Variants in EEFSEC observed in about 807,000 individuals in gnomAD.
EEFSEC encodes the protein eukaryotic elongation factor, selenocysteine-tRNA specific, also known as selenocysteine-specific elongation factor.
In EEFSEC, 43 loss-of-function variants were observed where a neutral mutation model predicts 42.1. That is an observed-to-expected ratio of 1.02 (90% CI 0.80 to 1.32). The LOEUF is 1.32. Among genes scored for constraint, EEFSEC ranks in the 40% most tolerant of loss-of-function variants. EEFSEC has a pLI of 0.00. For synonymous variants in EEFSEC, 354 were observed against 339.1 expected (o/e 1.04, Z -0.48); for missense variants, 745 against 803.6 (o/e 0.93, Z 0.88).
At chr3:128,309,280 G>A (rs1299653327) in intron 4 of EEFSEC, among the ~76,000 whole-genome samples, 4 of 152,208 alleles carry the variant, frequency 2.6e-5, no homozygotes, top group Non-Finnish European at 5.9e-5. Context: ...CTGAGCAGGT[G>A]CAAAGAGGGC....
rs376171782 is a variant in EEFSEC, at chr3:128,251,510, G to A, written c.524+4467G>A. The stretch of plus-strand genomic sequence containing the variant: ...AGAAAATAGTGTTTTAGTAGAAATG[G>A]TAACTTAGTAGAAATGGTATTTTGT... On this transcript the variant is annotated intron_variant, in intron 2 of 6. Transcript: ENST00000254730. Among the ~76,000 whole-genome samples, 15 of 152,296 alleles carry A rather than the reference G, an allele frequency of 9.8e-5. No individual in the cohort carries two copies. The South Asian group carries it at 3.1e-3, about 32-fold the overall frequency.
intron 6 of EEFSEC, among the ~76,000 whole-genome samples, chr3:128,379,795 C>A (rs1326435608): frequency 6.6e-6 from 1 of 152,254 alleles, no homozygotes; most frequent in Non-Finnish European, 1.5e-5. Flanking sequence ...GAGCTTTCTC[C>A]AGGAGCCCCT....
At chr3:128,176,947 G>A (rs2065355305) in intron 1 of EEFSEC, among the ~76,000 whole-genome samples, 2 of 151,596 alleles carry the variant, frequency 1.3e-5, no homozygotes, top group South Asian at 4.2e-4. Flanking sequence ...CTGAGATGCT[G>A]TAATTTTTTT....
At chr3:128,279,823 G>A (rs59425899) in intron 4 of EEFSEC, among the ~76,000 whole-genome samples, 4,432 of 152,296 alleles carry the variant, frequency 0.029, 200 homozygotes, top group African/African-American at 0.097. Flanking sequence ...TCCTATGCCA[G>A]CCTTCTCTGC....
intron 4 of EEFSEC, among the ~76,000 whole-genome samples, chr3:128,280,316 G>T (rs867508168): frequency 6.6e-6 from 1 of 152,230 alleles, no homozygotes; most frequent in African/African-American, 2.4e-5. Context: ...CTTTTACAAC[G>T]AGCTGGTATT....
intron 4 of EEFSEC, among the ~76,000 whole-genome samples, chr3:128,300,826 A>G (rs1455396437): frequency 2.0e-5 from 3 of 152,232 alleles, no homozygotes; most frequent in Non-Finnish European, 4.4e-5. Context: ...TTACTCTTCC[A>G]GATAATTCCT....
chr3:128,236,995 A>T (rs2066019324), intron 1 of EEFSEC, among the ~76,000 whole-genome samples: 1 of 152,192 alleles, frequency 6.6e-6, no homozygotes, highest in Admixed American at 6.5e-5. Flanking sequence ...CTGGCCTCTC[A>T]AGTGTGCCAG....
intron 6 of EEFSEC, among the ~76,000 whole-genome samples, chr3:128,389,752 C>G (rs1413597886): frequency 6.6e-6 from 1 of 152,252 alleles, no homozygotes; most frequent in East Asian, 1.9e-4. Flanking sequence ...TGGCTTAACG[C>G]CGAGAGCCTC....
chr3:128,174,469 T>C (rs1447906223), intron 1 of EEFSEC, among the ~76,000 whole-genome samples: 2 of 152,186 alleles, frequency 1.3e-5, no homozygotes, highest in Non-Finnish European at 2.9e-5. Context: ...TTATTGTGCC[T>C]AATTAATAGT....
chr3:128,230,735 G>T (rs747301292), intron 1 of EEFSEC, among the ~76,000 whole-genome samples: 6 of 152,132 alleles, frequency 3.9e-5, no homozygotes, highest in Non-Finnish European at 5.9e-5. Context: ...GACAGGTCTC[G>T]CTTAGCATGC....
In EEFSEC at chr3:128,297,087, C is replaced by T. The variant is rs577433928; in HGVS notation, c.786+32306C>T. 6.8e-4 allele frequency among the ~76,000 whole-genome samples: 103 copies of T among 152,144 alleles called. 2 individuals carry two copies. Among genetic ancestry groups the T allele is most frequent in the African/African-American group, 2.1e-3 (88 of 41,488 alleles). ...GAGTTAGTAGCATAGAGCTGGCCTC[C>T]GTCCTCTTGGGAGACCATAGGCACA... On this transcript the variant is annotated intron_variant, in intron 4 of 6. Coordinates refer to ENST00000254730, the MANE Select transcript of EEFSEC (RefSeq NM_021937.5).
chr3:128,419,549 C>T, the EEFSEC span, among the ~76,000 whole-genome samples: 1 of 152,238 alleles, frequency 6.6e-6, no homozygotes, highest in East Asian at 1.9e-4. Context: ...CAGGAGCTGC[C>T]AGCAAGGGGG....
At chr3:128,248,257 A>G (rs2066148265) in intron 2 of EEFSEC, among the ~76,000 whole-genome samples, 1 of 152,214 alleles carries the variant, frequency 6.6e-6, no homozygotes, top group Admixed American at 6.5e-5. Context: ...ATATCCTGCC[A>G]CTTCCACCTC....
Position 128,246,954 on chromosome 3 carries a change from G to C in EEFSEC, c.435G>C (p.Leu145=). ...CCTGCCAGAAGCTGGTCGTGGTGCT[G>C]AACAAAATAGACCTCTTACCTGAAG... is the stretch of plus-strand genomic sequence containing the variant. ...QIACQKLVVV[L]NKIDLLPEGK... is the part of the protein sequence containing the mutation. The change falls in exon 2 of 7, where the codon CTG becomes CTC. Residue 145 remains leucine (L), a synonymous_variant. Transcript: ENST00000254730. 2 of 1,614,154 alleles carry C rather than the reference G, an allele frequency of 1.2e-6. No homozygotes were observed. The highest frequency in any genetic ancestry group is 1.7e-6 in the Non-Finnish European group (2 of 1,180,042).
chr3:128,264,718 G>T lies in EEFSEC; in HGVS notation c.723G>T (p.Met241Ile). 5 of 1,614,136 alleles carry T rather than the reference G, an allele frequency of 3.1e-6. No individual in the cohort carries two copies. The highest frequency in any genetic ancestry group is 4.2e-6 in the Non-Finnish European group (5 of 1,180,016). The change falls in exon 4 of 7, where the codon ATG becomes ATT. Residue 241 changes from methionine to isoleucine, a missense_variant. Coordinates refer to ENST00000254730, the MANE Select transcript of EEFSEC (RefSeq NM_021937.5). ...CFSIKGQGTV[M>I]TGTILSGSIS... Reference sequence around the variant, plus strand: ...CCATCAAAGGCCAAGGCACTGTGATGACAGGGACCATCCTTTCAGGCTCCA... The same window carrying T: ...CCATCAAAGGCCAAGGCACTGTGATTACAGGGACCATCCTTTCAGGCTCCA...
intron 1 of EEFSEC, among the ~76,000 whole-genome samples, chr3:128,189,714 G>T (rs115334257): frequency 1.8e-3 from 267 of 150,832 alleles, no homozygotes; most frequent in African/African-American, 6.2e-3. Context: ...TCACCACCAT[G>T]CCCAGCTAGT....
At chr3:128,268,344 T>C (rs970719240) in intron 4 of EEFSEC, among the ~76,000 whole-genome samples, 5 of 152,152 alleles carry the variant, frequency 3.3e-5, no homozygotes, top group Admixed American at 3.3e-4. Context: ...TTTGAGCTGA[T>C]GATAATTTAG....
rs35286505 is a variant in EEFSEC at position 128,300,541 on chromosome 3, G to GA, written c.786+35781dup. Among the ~76,000 whole-genome samples, 725 of 85,968 alleles carry GA rather than the reference G, an allele frequency of 8.4e-3. 19 individuals carry two copies. Among genetic ancestry groups the GA allele is most frequent in the African/African-American group, 0.024 (568 of 23,856 alleles). 56.4% of individuals were successfully genotyped at this position (85,968 alleles called of 152,430 possible). ...TTGGTGACAGAGCAAGACTCTGTCT[G>GA]AAAAAAAAAAAAAAAAAAAAAGGCC... On this transcript the variant is annotated intron_variant, in intron 4 of 6. Coordinates refer to ENST00000254730, the MANE Select transcript of EEFSEC (RefSeq NM_021937.5).
At chr3:128,243,987 G>C (rs1260044333) in intron 1 of EEFSEC, among the ~76,000 whole-genome samples, 1 of 152,194 alleles carries the variant, frequency 6.6e-6, no homozygotes, top group Non-Finnish European at 1.5e-5. Context: ...AAGTTCTAGA[G>C]GGAACTTGGA....
Sources: gnomAD v4.1 joint callset for allele counts (sites outside exome capture counted in the v4.1 genomes callset) on GRCh38, gnomAD v4.1.1 for gene constraint, MANE v1.5 for transcripts, NCBI Gene and HGNC (gene_info 2026-07-23, HGNC 2026-07-21) for gene names.